The following ADAMTSL5 variants were observed in gnomAD, a reference collection of about 807,000 sequenced individuals.
ADAMTSL5 encodes ADAMTS like 5.
A neutral mutation model predicts 51.7 loss-of-function variants in ADAMTSL5; 53 were observed. The ratio of observed to expected loss-of-function variants is 1.03; its 90% CI spans 0.82 to 1.29. The LOEUF is 1.29. Ranked by LOEUF, ADAMTSL5 falls within the 50% of genes most tolerant of loss-of-function variation. ADAMTSL5 has a pLI of 0.00. For missense variants in ADAMTSL5, 770 were observed against 676.2 expected (o/e 1.14, Z -1.54); for synonymous variants, 285 against 278.7 (o/e 1.02, Z -0.23).
At position 1,510,651 on chromosome 19, in the gene ADAMTSL5, C is replaced by CGGCTG; in HGVS notation, c.174_178dup (p.Arg60ProfsTer152). 6.5e-7 allele frequency: 1 copy of CGGCTG among 1,537,208 alleles called. No individual in the cohort carries two copies. The highest frequency in any genetic ancestry group is 1.4e-5 in the African/African-American group (1 of 72,142). Reference sequence around the variant, plus strand: ...GGGCCCCGCTCACCGGAGGCAGCGCCGGCTGCGCACAGAGACGCCACGCCC... The same window carrying CGGCTG: ...GGGCCCCGCTCACCGGAGGCAGCGCCGGCTGGGCTGCGCACAGAGACGCCACGCCC... On this transcript the variant is annotated frameshift_variant, in exon 3 of 12. Coordinates refer to ENST00000330475, the MANE Select transcript of ADAMTSL5 (RefSeq NM_213604.3). LOFTEE classifies it high-confidence loss of function.
At chr19:1,510,105 G>A in intron 5 of ADAMTSL5, 45 bp downstream of exon 5, 1 of 1,481,174 alleles carries the variant, frequency 6.8e-7, no homozygotes, top group South Asian at 1.2e-5. Flanking sequence ...CTAATGAGTT[G>A]TTCGCTCTGG....
rs777496015 is a variant in ADAMTSL5, at chr19:1,510,865, C to T, written c.79G>A (p.Gly27Ser). ...LLFLWALLNC[G>S]LGVSAQGPGE... ...CTTACCTGAGCACTGACCCCCAAAC[C>T]ACAGTTCAGCAGGGCCCACAGGAAG... The change falls in exon 2 of 12, where the codon GGT (glycine) becomes AGT (serine). Residue 27 changes from glycine (G) to serine (S), a missense_variant. Coordinates refer to ENST00000330475, the MANE Select transcript of ADAMTSL5 (RefSeq NM_213604.3). 1.3e-6 allele frequency: 2 copies of T among 1,541,278 alleles called. No homozygotes were observed. Among genetic ancestry groups the T allele is most frequent in the Admixed American group, 2.1e-5 (1 of 48,310 alleles).
chr19:1,506,163 TG>T lies in ADAMTSL5; in HGVS notation c.1267del (p.His423ThrfsTer5). Reference sequence around the variant, plus strand: ...CTGGACAGCCATCAGGTAGTCCCGGTGGGGTGCCAGCATCGGGCAGGGGCAG... The same window carrying T: ...CTGGACAGCCATCAGGTAGTCCCGGTGGGTGCCAGCATCGGGCAGGGGCAG... ...GHCPCPMLAP[H>X]RDYLMAVQRL... On this transcript the variant is annotated frameshift_variant, in exon 12 of 12. Coordinates refer to ENST00000330475, the MANE Select transcript of ADAMTSL5 (RefSeq NM_213604.3). LOFTEE classifies it high-confidence loss of function. The surrounding 1 kb of genome is among the most constrained non-coding windows in gnomAD (Gnocchi z 5.6). 6.2e-7 allele frequency: 1 copy of T among 1,608,878 alleles called. No individual in the cohort carries two copies. Among genetic ancestry groups the T allele is most frequent in the Non-Finnish European group, 8.5e-7 (1 of 1,177,510 alleles).
chr19:1,509,122 G>A (rs546641742), intron 5 of ADAMTSL5, among the ~76,000 whole-genome samples: 1 of 151,960 alleles, frequency 6.6e-6, no homozygotes, highest in East Asian at 1.9e-4. Flanking sequence ...AGGCTTGGTG[G>A]TGGGAGCCTG....
At chr19:1,508,291 G>A (rs1257538760) in intron 6 of ADAMTSL5, 152 bp downstream of exon 6, 15 of 1,238,746 alleles carry the variant, frequency 1.2e-5, no homozygotes, top group Middle Eastern at 2.8e-4. Flanking sequence ...CCTAAGGGGG[G>A]CTGGGGGCAG....
chr19:1,510,945 G>T lies in ADAMTSL5; in HGVS notation c.-2C>A, dbSNP rs755478327. 1 of 1,426,644 alleles carries T rather than the reference G, an allele frequency of 7.0e-7. No homozygotes were observed. The highest frequency in any genetic ancestry group is 9.1e-7 in the Non-Finnish European group (1 of 1,094,284). The allele number at this position is 1,426,644 out of a possible 1,614,324, so 88.4% of individuals were successfully genotyped here. On this transcript the variant is annotated 5_prime_UTR_variant, in exon 2 of 12. Transcript: ENST00000330475. The stretch of plus-strand genomic sequence containing the variant: ...GGGGAACAGAGGGGCCGAGTCCATA[G>T]AGCCACCGCCAGAGACACAGGGTTG...
In ADAMTSL5 at chr19:1,506,888, A is replaced by T. The variant is rs1436883600; in HGVS notation, c.893T>A (p.Phe298Tyr). Residue 298 changes from phenylalanine (F) to tyrosine (Y), a missense_variant, in exon 10 of 12, where the codon TTC becomes TAC. Coordinates refer to ENST00000330475, the MANE Select transcript of ADAMTSL5 (RefSeq NM_213604.3). The surrounding 1 kb of genome is among the most constrained non-coding windows in gnomAD (Gnocchi z 5.6). Reference protein sequence around the residue: ...QEPNPGIEFEFWLPRERYSPF... With the variant: ...QEPNPGIEFEYWLPRERYSPF... Reference sequence around the variant, plus strand: ...GCTGTAGCGCTCCCGAGGGAGCCAGAACTCAAACTCGATGCCAGGGTTGGG... The same window carrying T: ...GCTGTAGCGCTCCCGAGGGAGCCAGTACTCAAACTCGATGCCAGGGTTGGG... 17 of 1,548,926 alleles carry T rather than the reference A, an allele frequency of 1.1e-5. No individual in the cohort carries two copies. The highest frequency in any genetic ancestry group is 5.9e-5 in the Admixed American group (3 of 50,602).
Position 1,508,159 on chromosome 19 carries a change from A to G in ADAMTSL5, c.490-50T>C, listed in dbSNP as rs2656889. The G allele has an allele frequency of 1.8e-3, 2,713 of 1,509,418 alleles. 41 individuals carry two copies. In the African/African-American group the frequency reaches 0.059, roughly 33 times the overall value. 93.5% of individuals were successfully genotyped at this position (1,509,418 alleles called of 1,614,324 possible). A position where few individuals can be genotyped will look rare whatever the true frequency, so the allele number is the denominator to read the frequency against. The stretch of plus-strand genomic sequence containing the variant: ...CGTCACTGACGCTGGGAGGGGCAGG[A>G]CCTGGGGAAAGGGCAGTGCCTGGGA... On this transcript the variant is annotated intron_variant, in intron 6 of 11. Coordinates refer to ENST00000330475, the MANE Select transcript of ADAMTSL5 (RefSeq NM_213604.3).
intron 5 of ADAMTSL5, 27 bp from the exon 6 acceptor site, chr19:1,508,597 G>C: frequency 1.3e-6 from 2 of 1,491,964 alleles, no homozygotes; most frequent in Non-Finnish European, 8.9e-7. Context: ...TCGGTGGGCC[G>C]GGGACCCCTG....
intron 4 of ADAMTSL5, 45 bp from the exon 5 acceptor site, chr19:1,510,303 G>A (rs1238405286): frequency 2.5e-6 from 4 of 1,612,954 alleles, no homozygotes; most frequent in African/African-American, 1.3e-5. Context: ...CAACCCCAAG[G>A]GGCAGGTGGT....
intron 5 of ADAMTSL5, 26 bp from the exon 6 acceptor site, chr19:1,508,596 C>T (rs761405197): frequency 6.7e-6 from 10 of 1,496,034 alleles, no homozygotes; most frequent in African/African-American, 2.8e-5. Flanking sequence ...GTCGGTGGGC[C>T]GGGGACCCCT....
chr19:1,508,161 CTGGGGAAAGGGCAG>C lies in ADAMTSL5; in HGVS notation c.490-66_490-53del, dbSNP rs765322473. The C allele has an allele frequency of 1.4e-5, 20 of 1,478,958 alleles. No individual in the cohort carries two copies. In the African/African-American group the frequency reaches 2.4e-4, roughly 18 times the overall value. 91.6% of individuals were successfully genotyped at this position (1,478,958 alleles called of 1,614,324 possible). A position where few individuals can be genotyped will look rare whatever the true frequency, so the allele number is the denominator to read the frequency against. ...TCACTGACGCTGGGAGGGGCAGGACCTGGGGAAAGGGCAGTGCCTGGGAGCAAGAGGACGAGGCC... is the reference window on the plus strand; with the variant it reads ...TCACTGACGCTGGGAGGGGCAGGACCTGCCTGGGAGCAAGAGGACGAGGCC... On this transcript the variant is annotated intron_variant, in intron 6 of 11. Transcript: ENST00000330475.
At chr19:1,508,247 G>C in intron 6 of ADAMTSL5, 138 bp from the exon 7 acceptor site, 1 of 1,218,110 alleles carries the variant, frequency 8.2e-7, no homozygotes, top group Non-Finnish European at 1.1e-6. Flanking sequence ...GGACCTGGCG[G>C]GAGGAGGATG....
chr19:1,506,028 C>G lies in ADAMTSL5; in HGVS notation c.1403G>C (p.Arg468Pro). 6.4e-7 allele frequency: 1 copy of G among 1,573,798 alleles called. No homozygotes were observed. The highest frequency in any genetic ancestry group is 1.8e-5 in the Admixed American group (1 of 56,498). ...TCCTGCAGGGGCTCAGCCAGGACAG[C>G]GCCGGGCAGTCAGGCGTATGCGGCT... ...EDSRIRLTAR[R>P]CPG Residue 468 changes from arginine to proline, a missense_variant, in exon 12 of 12, where the codon CGC becomes CCC. Coordinates refer to ENST00000330475, the MANE Select transcript of ADAMTSL5 (RefSeq NM_213604.3). The surrounding 1 kb of genome is among the most constrained non-coding windows in gnomAD (Gnocchi z 5.6).
rs915929134 is a variant in ADAMTSL5 at position 1,506,441 on chromosome 19, G to A, written c.1115-125C>T. On this transcript the variant is annotated intron_variant, in intron 11 of 11. Coordinates refer to ENST00000330475, the MANE Select transcript of ADAMTSL5 (RefSeq NM_213604.3). This position sits in a 1 kb window ranked among gnomAD's most constrained non-coding sequence, Gnocchi z 5.6. Reference sequence around the variant, plus strand: ...TCGGGATCTATAGGGACTAGAGTCAGGATCACGTCAGGGATCAATGAGGGA... The same window carrying A: ...TCGGGATCTATAGGGACTAGAGTCAAGATCACGTCAGGGATCAATGAGGGA... The A allele has an allele frequency of 1.8e-5, 26 of 1,451,352 alleles. No individual in the cohort carries two copies. Among genetic ancestry groups the A allele is most frequent in the Non-Finnish European group, 2.4e-5 (26 of 1,061,792 alleles). The allele number at this position is 1,451,352 out of a possible 1,614,324, so 89.9% of individuals were successfully genotyped here.
At position 1,510,639 on chromosome 19, in the gene ADAMTSL5, C is replaced by A; in HGVS notation, c.191G>T (p.Arg64Leu). The change falls in exon 3 of 12, where the codon CGG (arginine) becomes CTG (leucine). Residue 64 changes from arginine (R) to leucine (L), a missense_variant and splice_region_variant. By Grantham distance (102) the Arg-to-Leu change is moderately radical. Transcript: ENST00000330475. ...GVSVRSRRCL[R>L]LPGEEPCWGD... ...GGGACCCCCTCCGGGCCCCGCTCAC[C>A]GGAGGCAGCGCCGGCTGCGCACAGA... 6.5e-7 allele frequency: 1 copy of A among 1,534,740 alleles called. No individual in the cohort carries two copies. Among genetic ancestry groups the A allele is most frequent in the Admixed American group, 2.0e-5 (1 of 49,702 alleles).
chr19:1,506,564 G>A lies in ADAMTSL5; in HGVS notation c.1114+26C>T. ...AGGAGGCCAGGTTAGTAGGGGCTAA[G>A]TCAGGGTAGAGGTCGGGGGTCTCAC... On this transcript the variant is annotated intron_variant, in intron 11 of 11. Coordinates refer to ENST00000330475, the MANE Select transcript of ADAMTSL5 (RefSeq NM_213604.3). The surrounding 1 kb of genome is among the most constrained non-coding windows in gnomAD (Gnocchi z 5.6). The A allele has an allele frequency of 6.2e-7, 1 of 1,606,860 alleles. No individual in the cohort carries two copies. The highest frequency in any genetic ancestry group is 8.5e-7 in the Non-Finnish European group (1 of 1,177,286).
intron 8 of ADAMTSL5, 65 bp from the exon 9 acceptor site, chr19:1,507,470 C>G (rs1913004744): frequency 1.2e-6 from 2 of 1,609,600 alleles, no homozygotes; most frequent in African/African-American, 1.3e-5. Context: ...GGGTCCCCTC[C>G]TCAGGCCTCA....
In ADAMTSL5 at chr19:1,506,738, C is replaced by T. The variant is rs766016086; in HGVS notation, c.1042+1G>A. ...CCCCACCCTGGCTGTCCCCACCTCACCTGGGGCCAGCGTTGGGGTCTGTGC... is the reference window on the plus strand; with the variant it reads ...CCCCACCCTGGCTGTCCCCACCTCATCTGGGGCCAGCGTTGGGGTCTGTGC... On this transcript the variant is annotated splice_donor_variant, in intron 10 of 11. Coordinates refer to ENST00000330475, the MANE Select transcript of ADAMTSL5 (RefSeq NM_213604.3). LOFTEE classifies it high-confidence loss of function. This position sits in a 1 kb window ranked among gnomAD's most constrained non-coding sequence, Gnocchi z 5.6. 6 of 1,556,532 alleles carry T rather than the reference C, an allele frequency of 3.9e-6. No individual in the cohort carries two copies. In the South Asian group the frequency reaches 7.1e-5, roughly 18 times the overall value.
Sources: allele counts gnomAD v4.1 joint callset (sites outside exome capture counted in the v4.1 genomes callset), GRCh38; gene constraint gnomAD v4.1.1; non-coding constraint Gnocchi (gnomAD v3.1); transcripts MANE v1.5; gene names NCBI Gene and HGNC (gene_info 2026-07-23, HGNC 2026-07-21).